Variants in FBN3 observed in about 807,000 individuals in gnomAD.
FBN3 encodes the protein fibrillin-3.
FBN3 carries 234 observed loss-of-function variants against 330.1 expected under a neutral mutation model. That is an observed-to-expected ratio of 0.71 (90% confidence interval 0.64 to 0.79). The LOEUF (loss-of-function observed/expected upper bound fraction) is 0.79. Among genes scored for constraint, FBN3 ranks in the 30% least tolerant of loss-of-function variants. The probability of loss-of-function intolerance (pLI) is 0.00; values close to 1 mark genes in which losing one functional copy is unlikely to be tolerated. For missense variants in FBN3, 3,606 were observed against 3,886.9 expected (o/e 0.93, Z 1.92); for synonymous variants, 1,458 against 1,517.3 (o/e 0.96, Z 0.91).
chr19:8,067,280 C>T (rs2081414999), intron 63 of FBN3, among the ~76,000 whole-genome samples: 1 of 152,012 alleles, frequency 6.6e-6, no homozygotes. Flanking sequence ...TGCCTGCCAT[C>T]ATGCCTGGCT....
At chr19:8,127,053 T>TTG (rs2083008663) in intron 18 of FBN3, among the ~76,000 whole-genome samples, 1 of 109,636 alleles carries the variant, frequency 9.1e-6, no homozygotes, top group Admixed American at 1.0e-4. Context: ...AAACTGTTTT[T>TTG]TTTTTGTTTT....
At chr19:8,138,992 TGCA>T (rs1205011119) in intron 8 of FBN3, among the ~76,000 whole-genome samples, 1 of 150,038 alleles carries the variant, frequency 6.7e-6, no homozygotes, top group Non-Finnish European at 1.5e-5. Flanking sequence ...AGACAAAGAT[TGCA>T]GTGAGCTGAG....
chr19:8,142,263 C>T lies in FBN3; in HGVS notation c.542-126G>A. 3 of 713,028 alleles carry T rather than the reference C, an allele frequency of 4.2e-6. No homozygotes were observed. The South Asian group carries it at 5.7e-5, about 14-fold the overall frequency. The allele number at this position is 713,028 out of a possible 1,614,324, so 44.2% of individuals were successfully genotyped here. Reference sequence around the variant, plus strand: ...AGGCTTTACTTATGCTGCTCCCTTACTAAATAGAATATCTTTCCTCCCCTT... The same window carrying T: ...AGGCTTTACTTATGCTGCTCCCTTATTAAATAGAATATCTTTCCTCCCCTT... On this transcript the variant is annotated intron_variant, in intron 6 of 63. Transcript: ENST00000600128.
rs139431173 is a variant in FBN3, at chr19:8,142,077, G to T, written c.602C>A (p.Thr201Lys). The change falls in exon 7 of 64, where the codon ACG (threonine) becomes AAG (lysine). Residue 201 changes from threonine (T) to lysine (K), a missense_variant. Thr to Lys is a moderately conservative substitution (Grantham distance 78, BLOSUM62 -1). Transcript: ENST00000600128. Reference sequence around the variant, plus strand: ...AAGTGCCTTGGTGCACACGAGGCCCGTCAGCTGATGCTGGCACCCCTCGGG... The same window carrying T: ...AAGTGCCTTGGTGCACACGAGGCCCTTCAGCTGATGCTGGCACCCCTCGGG... ...VGPEGCQHQL[T>K]GLVCTKALCC... 6.2e-7 allele frequency: 1 copy of T among 1,613,700 alleles called. No homozygotes were observed. Among genetic ancestry groups the T allele is most frequent in the African/African-American group, 1.3e-5 (1 of 74,938 alleles).
intron 63 of FBN3, among the ~76,000 whole-genome samples, chr19:8,071,333 C>T (rs1017219667): frequency 1.3e-5 from 2 of 152,256 alleles, no homozygotes; most frequent in East Asian, 3.9e-4. Flanking sequence ...GTTGAAGATC[C>T]CTGAGATTCC....
At chr19:8,093,843 C>T (rs988799516) in intron 47 of FBN3, among the ~76,000 whole-genome samples, 4 of 152,100 alleles carry the variant, frequency 2.6e-5, no homozygotes, top group Non-Finnish European at 4.4e-5. Flanking sequence ...CAGACTGGTC[C>T]ACGTTAGCTC....
intron 18 of FBN3, among the ~76,000 whole-genome samples, chr19:8,128,362 G>C (rs1223354311): frequency 6.6e-6 from 1 of 152,104 alleles, no homozygotes; most frequent in Non-Finnish European, 1.5e-5. Context: ...TCAGGAGTTC[G>C]AGACCAGCCT....
intron 53 of FBN3, among the ~76,000 whole-genome samples, 158 bp downstream of exon 53, chr19:8,087,667 C>G (rs1446212317): frequency 7.6e-6 from 1 of 131,078 alleles, no homozygotes; most frequent in Non-Finnish European, 1.5e-5. Context: ...AGTGCAGTGG[C>G]ATGATCTCGG....
intron 22 of FBN3, among the ~76,000 whole-genome samples, chr19:8,124,475 T>G (rs928230685): frequency 6.6e-6 from 1 of 151,268 alleles, no homozygotes; most frequent in African/African-American, 2.4e-5. Context: ...CGAACTCAAG[T>G]GATCTGCCCG....
At chr19:8,077,056 G>A (rs7260038) in intron 59 of FBN3, among the ~76,000 whole-genome samples, 4,719 of 152,250 alleles carry the variant, frequency 0.031, 233 homozygotes, top group African/African-American at 0.1. Flanking sequence ...AAACCACTGC[G>A]CCCGGCCCAG....
At chr19:8,104,979 G>C (rs56299108) in intron 38 of FBN3, among the ~76,000 whole-genome samples, 36,485 of 149,154 alleles carry the variant, frequency 0.24, 5,284 homozygotes, top group East Asian at 0.5. Context: ...TTTTGAGACA[G>C]AGTCTCACTC....
chr19:8,122,449 C>T (rs2082874142), intron 24 of FBN3, among the ~76,000 whole-genome samples: 2 of 152,100 alleles, frequency 1.3e-5, no homozygotes, highest in Admixed American at 6.6e-5. Flanking sequence ...TTACTGCAAC[C>T]TCCGCCTCCC....
chr19:8,148,597 G>C (rs2083605174), intron 1 of FBN3: 1 of 152,342 alleles, frequency 6.6e-6, no homozygotes, highest in Non-Finnish European at 1.5e-5. Context: ...CCGTTTGGAG[G>C]GTGGAGGCAA....
chr19:8,065,634 A>AT lies in FBN3; in HGVS notation c.*284_*285insA. On this transcript the variant is annotated 3_prime_UTR_variant, in exon 64 of 64. Transcript: ENST00000600128. The stretch of plus-strand genomic sequence containing the variant: ...GAAGTGAAAGCCTGAGATTGGCCAG[A>AT]CACGGTGACCACAGGGCCTCTTCCT... 2.2e-6 allele frequency: 1 copy of AT among 447,628 alleles called. No homozygotes were observed. Among genetic ancestry groups the AT allele is most frequent in the Admixed American group, 4.0e-5 (1 of 25,190 alleles). 27.7% of individuals were successfully genotyped at this position (447,628 alleles called of 1,614,324 possible).
chr19:8,126,704 G>T lies in FBN3; in HGVS notation c.2416+9C>A. On this transcript the variant is annotated intron_variant, in intron 19 of 63. Coordinates refer to ENST00000600128, the MANE Select transcript of FBN3 (RefSeq NM_032447.5). Reference sequence around the variant, plus strand: ...CTCTGGAACGCCGTCGGGCTCCGGGGCCGCTCACCTAGACAGAAGGTACCA... The same window carrying T: ...CTCTGGAACGCCGTCGGGCTCCGGGTCCGCTCACCTAGACAGAAGGTACCA... 2 of 1,582,208 alleles carry T rather than the reference G, an allele frequency of 1.3e-6. No homozygotes were observed. Among genetic ancestry groups the T allele is most frequent in the East Asian group, 2.2e-5 (1 of 44,510 alleles).
chr19:8,080,883 A>G, intron 59 of FBN3, 120 bp downstream of exon 59: 1 of 693,874 alleles, frequency 1.4e-6, no homozygotes, highest in Non-Finnish European at 2.5e-6. Flanking sequence ...CAGCTTTCCA[A>G]AGTGCTGGGA....
intron 29 of FBN3, among the ~76,000 whole-genome samples, chr19:8,116,056 A>G (rs1289532354): frequency 6.6e-6 from 1 of 152,168 alleles, no homozygotes; most frequent in Non-Finnish European, 1.5e-5. Context: ...CACAAGGCCC[A>G]TCGCTGAAGC....
intron 41 of FBN3, among the ~76,000 whole-genome samples, chr19:8,100,230 CAG>C (rs1237866364): frequency 6.6e-6 from 1 of 151,672 alleles, no homozygotes; most frequent in Non-Finnish European, 1.5e-5. Flanking sequence ...TTCATGGGGA[CAG>C]AGTTTCAGTG....
rs752854990 is a variant in FBN3, at chr19:8,142,002, G to C, written c.677C>G (p.Pro226Arg). The change falls in exon 7 of 64, where the codon CCT becomes CGT. Residue 226 changes from proline (P) to arginine (R), a missense_variant. Transcript: ENST00000600128. The stretch of plus-strand genomic sequence containing the variant: ...GCGGCGGCAGGGGTGTGGCTGTGCA[G>C]GGCAAAGTTCACATGGAAGGCCCCA... ...RAWGLPCELC[P>R]AQPHPCRRGF... 1 of 1,614,208 alleles carries C rather than the reference G, an allele frequency of 6.2e-7. No homozygotes were observed. Among genetic ancestry groups the C allele is most frequent in the South Asian group, 1.1e-5 (1 of 91,088 alleles).
Sources: gnomAD v4.1 joint callset for allele counts (sites outside exome capture counted in the v4.1 genomes callset) on GRCh38, gnomAD v4.1.1 for gene constraint, MANE v1.5 for transcripts, NCBI Gene and HGNC (gene_info 2026-07-23, HGNC 2026-07-21) for gene names.